The following CASP9 variants were observed in gnomAD, a reference collection of about 807,000 sequenced individuals.
The protein encoded by CASP9 is caspase-9.
A neutral mutation model predicts 43.5 loss-of-function variants in CASP9; 29 were observed. The ratio of observed to expected loss-of-function variants is 0.67; its 90% CI spans 0.50 to 0.91. CASP9 has a LOEUF of 0.91. CASP9 is among the 40% of genes least tolerant of loss of function. CASP9 has a pLI of 0.00. For synonymous variants in CASP9, 206 were observed against 211.9 expected, an observed-to-expected ratio of 0.97 and a Z score of 0.24; for missense variants, 575 against 537.4, an observed-to-expected ratio of 1.07 and a Z score of -0.69.
chr1:15,509,424 G>A (rs558669480), intron 2 of CASP9, among the ~76,000 whole-genome samples: 1 of 148,858 alleles, frequency 6.7e-6, no homozygotes, highest in African/African-American at 2.5e-5. Flanking sequence ...AGACTAGCCT[G>A]GCCAACGTGG....
chr1:15,516,928 C>T (rs1048656728), intron 2 of CASP9, among the ~76,000 whole-genome samples: 1 of 152,220 alleles, frequency 6.6e-6, no homozygotes, highest in Admixed American at 6.5e-5. Flanking sequence ...AGTCATCTCC[C>T]AATCTGTGGC....
intron 6 of CASP9, among the ~76,000 whole-genome samples, chr1:15,497,908 T>C (rs1709172709): frequency 6.6e-6 from 1 of 152,128 alleles, no homozygotes; most frequent in African/African-American, 2.4e-5. Context: ...ACTACAAAGC[T>C]ACAGTAATCA....
intron 1 of CASP9, among the ~76,000 whole-genome samples, chr1:15,520,511 G>C (rs2103380411): frequency 1.3e-5 from 2 of 152,330 alleles, no homozygotes; most frequent in African/African-American, 4.8e-5. Flanking sequence ...GCGGGTATAG[G>C]GTCAGGTGCT....
At chr1:15,506,227 T>A in intron 4 of CASP9, 148 bp from the exon 5 acceptor site, 1 of 604,870 alleles carries the variant, frequency 1.7e-6, no homozygotes, top group Non-Finnish European at 3.0e-6. Flanking sequence ...GGCAGGTGGA[T>A]CATTTGAGGT....
chr1:15,492,553 G>A lies in CASP9; in HGVS notation c.*390C>T. 5.5e-6 allele frequency: 1 copy of A among 181,974 alleles called. No homozygotes were observed. The highest frequency in any genetic ancestry group is 2.3e-5 in the African/African-American group (1 of 42,714). The allele number at this position is 181,974 out of a possible 1,614,324, so 11.3% of individuals were successfully genotyped here. A position where few individuals can be genotyped will look rare whatever the true frequency, so the allele number is the denominator to read the frequency against. On this transcript the variant is annotated 3_prime_UTR_variant, in exon 9 of 9. Transcript: ENST00000333868. ...AGGAAGACGCGTTACTGGCATTGAG[G>A]CAAGGGACAGTGCTGAACATCCCAC...
At chr1:15,523,205 T>A (rs4233537) in intron 1 of CASP9, among the ~76,000 whole-genome samples, 46,226 of 152,188 alleles carry the variant, frequency 0.3, 7,454 homozygotes, top group East Asian at 0.58. Context: ...TAACAAAACA[T>A]AAACTGAACA....
intron 7 of CASP9, 135 bp downstream of exon 7, chr1:15,495,138 C>G: frequency 1.2e-6 from 1 of 810,422 alleles, no homozygotes; most frequent in Non-Finnish European, 1.9e-6. Flanking sequence ...AGAGAAGTAA[C>G]TTGCTCAGGG....
At chr1:15,523,465 T>G (rs1018385249) in intron 1 of CASP9, among the ~76,000 whole-genome samples, 16 of 152,202 alleles carry the variant, frequency 1.1e-4, no homozygotes, top group African/African-American at 3.9e-4. Context: ...GCCTCCTTCC[T>G]CGCAAGTATT....
Position 15,493,556 on chromosome 1 carries a change from G to T in CASP9, c.1158+336C>A, listed in dbSNP as rs4646099. The T allele has an allele frequency of 4.0e-3, 5,661 of 1,416,012 alleles. 209 individuals are homozygous for T. The African/African-American group carries it at 0.074, about 19-fold the overall frequency. The allele number at this position is 1,416,012 out of a possible 1,614,324, so 87.7% of individuals were successfully genotyped here. On this transcript the variant is annotated intron_variant, in intron 8 of 8. Transcript: ENST00000333868. The stretch of plus-strand genomic sequence containing the variant: ...ACTACATGATGCCCACAGGATATAG[G>T]GAGGGGCCCATGACCCGCCTTCAGG...
chr1:15,524,724 A>G, upstream of CASP9: 4 of 1,019,438 alleles, frequency 3.9e-6, 1 homozygote. Context: ...CCCAGGGTCA[A>G]TTCTGGGGTC....
At position 15,493,018 on chromosome 1, in the gene CASP9, C is replaced by T. The variant is rs148753242; in HGVS notation, c.1176G>A (p.Ser392=). The change falls in exon 9 of 9, where the codon TCG becomes TCA. Residue 392 remains serine (S), a synonymous_variant. Transcript: ENST00000333868. ...SLLLRVANAV[S]VKGIYKQMPG... is the part of the protein sequence containing the mutation. ...GCATCTGTTTATAAATCCCTTTCACCGAAACAGCATTAGCGACCTGTAAGA... is the reference window on the plus strand; with the variant it reads ...GCATCTGTTTATAAATCCCTTTCACTGAAACAGCATTAGCGACCTGTAAGA... The T allele has an allele frequency of 1.2e-6, 2 of 1,613,876 alleles. No individual in the cohort carries two copies. The highest frequency in any genetic ancestry group is 2.7e-5 in the African/African-American group (2 of 74,902).
chr1:15,503,174 C>T (rs1214950930), intron 6 of CASP9, among the ~76,000 whole-genome samples: 3 of 152,122 alleles, frequency 2.0e-5, no homozygotes, highest in Non-Finnish European at 4.4e-5. Context: ...ATTGCTTGAA[C>T]CCAGGAGTTC....
chr1:15,513,976 T>C (rs562806829), intron 2 of CASP9, among the ~76,000 whole-genome samples: 76 of 152,274 alleles, frequency 5.0e-4, no homozygotes, highest in African/African-American at 1.6e-3. Flanking sequence ...GTGAGGCACA[T>C]AGAACAATAC....
At chr1:15,511,939 A>T (rs2103361367) in intron 2 of CASP9, among the ~76,000 whole-genome samples, 1 of 152,260 alleles carries the variant, frequency 6.6e-6, no homozygotes, top group Non-Finnish European at 1.5e-5. Flanking sequence ...AGCAGAGCTG[A>T]CCAACAAGAC....
At chr1:15,502,607 A>T (rs1709367479) in intron 6 of CASP9, among the ~76,000 whole-genome samples, 1 of 152,206 alleles carries the variant, frequency 6.6e-6, no homozygotes, top group African/African-American at 2.4e-5. Context: ...GGCAGGGGCC[A>T]GGTCACCAAA....
At position 15,510,768 on chromosome 1, in the gene CASP9, T is replaced by C. The variant is rs541900851; in HGVS notation, c.419-2861A>G. Among the ~76,000 whole-genome samples, 24 of 152,212 alleles carry C rather than the reference T, an allele frequency of 1.6e-4. 1 individual carries two copies. In the South Asian group the frequency reaches 5.0e-3, roughly 32 times the overall value. On this transcript the variant is annotated intron_variant, in intron 2 of 8. Coordinates refer to ENST00000333868, the MANE Select transcript of CASP9 (RefSeq NM_001229.5). ...GTGACATGGTCAGATACAAGGTGCA[T>C]GAGACCAGTTTCTCCTGAAATGGCC...
At chr1:15,519,386 G>A (rs555781354) in intron 1 of CASP9, among the ~76,000 whole-genome samples, 1 of 152,232 alleles carries the variant, frequency 6.6e-6, no homozygotes, top group East Asian at 1.9e-4. Flanking sequence ...TCACCATGTT[G>A]GCCAGGCTGG....
At chr1:15,506,657 G>C (rs1482992985) in intron 4 of CASP9, among the ~76,000 whole-genome samples, 1 of 152,144 alleles carries the variant, frequency 6.6e-6, no homozygotes, top group African/African-American at 2.4e-5. Flanking sequence ...TACTATTCCT[G>C]CTTTCCAGAC....
At position 15,524,065 on chromosome 1, in the gene CASP9, G is replaced by GGGGGGCA; in HGVS notation, c.132+3_132+4insTGCCCCC. Reference sequence around the variant, plus strand: ...AGCGCGGGGACAGGGGGCCGGGGGCGCACCTGGATGTCCTCGATCATATGG... The same window carrying GGGGGGCA: ...AGCGCGGGGACAGGGGGCCGGGGGCGGGGGGCACACCTGGATGTCCTCGATCATATGG... On this transcript the variant is annotated splice_donor_region_variant and intron_variant, in intron 1 of 8. Transcript: ENST00000333868. 1.3e-6 allele frequency: 2 copies of GGGGGGCA among 1,495,994 alleles called. No homozygotes were observed. The highest frequency in any genetic ancestry group is 1.2e-5 in the South Asian group (1 of 80,692). 92.7% of individuals were successfully genotyped at this position (1,495,994 alleles called of 1,614,324 possible).
Sources: allele counts gnomAD v4.1 joint callset (sites outside exome capture counted in the v4.1 genomes callset), GRCh38; gene constraint gnomAD v4.1.1; transcripts MANE v1.5; gene names NCBI Gene and HGNC (gene_info 2026-07-23, HGNC 2026-07-21).